GADL1: variants seen among roughly 807,000 people sequenced by gnomAD.
The protein encoded by GADL1 is GAD like acidic amino acid decarboxylase 1, also known as acidic amino acid decarboxylase GADL1.
Under a neutral mutation model 69.5 loss-of-function variants are expected in GADL1, and 71 were observed. That is an observed-to-expected ratio of 1.02 (90% CI 0.84 to 1.25). The LOEUF (loss-of-function observed/expected upper bound fraction) is 1.25, where lower values mean the gene tolerates loss of function less well. Among genes scored for constraint, GADL1 ranks in the 50% most tolerant of loss-of-function variants. The probability of loss-of-function intolerance (pLI) is 0.00; values close to 1 mark genes in which losing one functional copy is unlikely to be tolerated. For synonymous variants in GADL1, 254 were observed against 214.4 expected, an observed-to-expected ratio of 1.18 and a Z score of -1.62; for missense variants, 737 against 631.8, an observed-to-expected ratio of 1.17 and a Z score of -1.79.
intron 11 of GADL1, among the ~76,000 whole-genome samples, chr3:30,812,311 A>C (rs1188047117): frequency 6.6e-6 from 1 of 152,228 alleles, no homozygotes; most frequent in Non-Finnish European, 1.5e-5. Context: ...TATGTATATT[A>C]GTCTGTTTTC....
chr3:30,825,320 G>T (rs772284962), intron 11 of GADL1, among the ~76,000 whole-genome samples: 1 of 151,748 alleles, frequency 6.6e-6, no homozygotes, highest in African/African-American at 2.4e-5. Context: ...AACAAATTAG[G>T]GTTTAAATAC....
chr3:30,819,837 AG>A (rs1418034770), intron 11 of GADL1, among the ~76,000 whole-genome samples: 29 of 152,082 alleles, frequency 1.9e-4, no homozygotes, highest in African/African-American at 7.0e-4. Flanking sequence ...TGAAAATCTT[AG>A]CAAAATATAT....
At chr3:30,777,063 G>A (rs1319232035) in intron 14 of GADL1, among the ~76,000 whole-genome samples, 3 of 151,886 alleles carry the variant, frequency 2.0e-5, no homozygotes, top group Admixed American at 2.0e-4. Context: ...CCTTGTGATT[G>A]TCTCTTTACT....
chr3:30,822,662 G>T (rs545004609), intron 11 of GADL1, among the ~76,000 whole-genome samples: 4 of 152,048 alleles, frequency 2.6e-5, no homozygotes, highest in African/African-American at 9.6e-5. Flanking sequence ...AATTATGCTT[G>T]ACTCTGACAG....
intron 14 of GADL1, among the ~76,000 whole-genome samples, chr3:30,767,199 T>C (rs534496099): frequency 3.1e-4 from 47 of 152,242 alleles, no homozygotes; most frequent in African/African-American, 1.1e-3. Context: ...AGCCAGTGAG[T>C]GGCAGAGGCA....
At chr3:30,745,283 AGTCGACATTT>A (rs1318243974) in intron 14 of GADL1, among the ~76,000 whole-genome samples, 2 of 152,254 alleles carry the variant, frequency 1.3e-5, no homozygotes, top group African/African-American at 4.8e-5. Flanking sequence ...GAATCCTTTA[AGTCGACATTT>A]GCCGAGCAAT....
intron 4 of GADL1, among the ~76,000 whole-genome samples, chr3:30,852,442 C>T (rs760761596): frequency 1.3e-5 from 2 of 151,938 alleles, no homozygotes; most frequent in African/African-American, 4.8e-5. Context: ...ACCTGGGAGG[C>T]GGAGGTTGCA....
Position 30,854,730 on chromosome 3 carries a change from G to A in GADL1, c.397C>T (p.Arg133Ter), listed in dbSNP as rs763720774. The A allele has an allele frequency of 9.0e-6, 14 of 1,549,286 alleles. No individual in the cohort carries two copies. The highest frequency in any genetic ancestry group is 2.4e-5 in the East Asian group (1 of 40,834). Residue 133 changes from arginine (R) to a stop codon, truncating the protein, a stop_gained, in exon 4 of 15, where the codon CGA (arginine) becomes TGA (stop). Transcript: ENST00000282538. LOFTEE classifies it high-confidence loss of function. ...GGATTCAATGCTTCGGTCATAAATC[G>A]GGCCACCAAGGAGTAATAATCAAGT... ...AGLDYYSLVA[R>*]FMTEALNPSV...
At chr3:30,777,579 C>T (rs962522634) in intron 14 of GADL1, among the ~76,000 whole-genome samples, 7 of 152,162 alleles carry the variant, frequency 4.6e-5, no homozygotes, top group Admixed American at 1.3e-4. Context: ...CCATGCTAGG[C>T]GAGGAGTAGA....
intron 14 of GADL1, among the ~76,000 whole-genome samples, chr3:30,749,783 C>A (rs767308674): frequency 1.3e-5 from 2 of 152,184 alleles, no homozygotes; most frequent in Non-Finnish European, 2.9e-5. Flanking sequence ...CTGACACGAG[C>A]TCCCGAGGCA....
intron 12 of GADL1, among the ~76,000 whole-genome samples, chr3:30,795,858 G>A (rs979263668): frequency 6.6e-6 from 1 of 151,950 alleles, no homozygotes; most frequent in African/African-American, 2.4e-5. Context: ...GAAAGTTAAG[G>A]CAAAAAAACT....
Position 30,778,164 on chromosome 3 carries a change from T to A in GADL1, c.1392+15A>T. Reference sequence around the variant, plus strand: ...ACTTCATCAAAAAGAAAAATACCATTTACTTATTACTTACCAAATTAAGTT... The same window carrying A: ...ACTTCATCAAAAAGAAAAATACCATATACTTATTACTTACCAAATTAAGTT... On this transcript the variant is annotated intron_variant, in intron 14 of 14. Coordinates refer to ENST00000282538, the MANE Select transcript of GADL1 (RefSeq NM_207359.3). 1 of 1,331,906 alleles carries A rather than the reference T, an allele frequency of 7.5e-7. No individual in the cohort carries two copies. Among genetic ancestry groups the A allele is most frequent in the Non-Finnish European group, 1.0e-6 (1 of 985,720 alleles). 82.5% of individuals were successfully genotyped at this position (1,331,906 alleles called of 1,614,324 possible). A position where few individuals can be genotyped will look rare whatever the true frequency, so the allele number is the denominator to read the frequency against.
intron 1 of GADL1, among the ~76,000 whole-genome samples, chr3:30,875,145 A>G (rs1247465841): frequency 6.6e-6 from 1 of 151,720 alleles, no homozygotes; most frequent in African/African-American, 2.4e-5. Flanking sequence ...ATGATTTGTC[A>G]TAAATATCAC....
rs145205669 is a variant in GADL1 at position 30,855,606 on chromosome 3, AT to A, written c.338-818del. ...CAAACAATGGCTTGTTCCAATTTTA[AT>A]TTTTTTCCCCCCTCCTATAAAAGGT... On this transcript the variant is annotated intron_variant, in intron 3 of 14. Transcript: ENST00000282538. Among the ~76,000 whole-genome samples, 982 of 151,890 alleles carry A rather than the reference AT, an allele frequency of 6.5e-3. 7 individuals carry two copies. Among genetic ancestry groups the A allele is most frequent in the African/African-American group, 0.021 (877 of 41,466 alleles).
chr3:30,867,371 T>A (rs1198165123), intron 1 of GADL1, among the ~76,000 whole-genome samples: 1 of 149,866 alleles, frequency 6.7e-6, no homozygotes, highest in Non-Finnish European at 1.5e-5. Flanking sequence ...TGTATTTATC[T>A]TAAATATGCA....
intron 14 of GADL1, among the ~76,000 whole-genome samples, chr3:30,753,690 T>A (rs372416054): frequency 6.6e-6 from 1 of 152,336 alleles, no homozygotes; most frequent in East Asian, 1.9e-4. Flanking sequence ...TTAGATAATA[T>A]GAGGAAACCA....
chr3:30,837,039 ATTT>A (rs1248171462), intron 9 of GADL1, among the ~76,000 whole-genome samples: 2 of 152,066 alleles, frequency 1.3e-5, no homozygotes, highest in South Asian at 2.1e-4. Context: ...CAGAGTTAAA[ATTT>A]TTTTAAGTAA....
intron 14 of GADL1, among the ~76,000 whole-genome samples, chr3:30,768,306 A>G (rs1339612466): frequency 6.6e-6 from 1 of 152,158 alleles, no homozygotes; most frequent in Non-Finnish European, 1.5e-5. Flanking sequence ...TAAATGCCCC[A>G]AATTGAGAAT....
At chr3:30,728,958 TAA>T (rs68152121) in intron 14 of GADL1, among the ~76,000 whole-genome samples, 40,825 of 151,982 alleles carry the variant, frequency 0.27, 5,868 homozygotes, top group Non-Finnish European at 0.33. Context: ...TTTTGAAGCC[TAA>T]GTTTATTAAT....
Sources: gnomAD v4.1 joint callset for allele counts (sites outside exome capture counted in the v4.1 genomes callset) on GRCh38, gnomAD v4.1.1 for gene constraint, MANE v1.5 for transcripts, NCBI Gene and HGNC (gene_info 2026-07-23, HGNC 2026-07-21) for gene names.